Variants in SPATA6L observed in about 807,000 individuals in gnomAD.
The protein encoded by SPATA6L is spermatogenesis associated 6-like protein.
In SPATA6L, 68 loss-of-function variants were observed where a neutral mutation model predicts 49.2. That is an observed-to-expected ratio of 1.38 (90% CI 1.14 to 1.69). The LOEUF is 1.69. Ranked by LOEUF, SPATA6L falls within the 40% of genes most tolerant of loss-of-function variation. The pLI, the probability that SPATA6L is intolerant of heterozygous loss-of-function variation, is 0.00. For missense variants in SPATA6L, 668 were observed against 464.3 expected (o/e 1.44, Z -4.03); for synonymous variants, 198 against 165.7 (o/e 1.19, Z -1.50).
intron 3 of SPATA6L, 21 bp from the exon 4 acceptor site, chr9:4,635,420 G>C: frequency 6.4e-7 from 1 of 1,569,834 alleles, no homozygotes; most frequent in Non-Finnish European, 8.6e-7. Flanking sequence ...AATAGAAAAA[G>C]CATAAATATC....
intron 11 of SPATA6L, among the ~76,000 whole-genome samples, chr9:4,601,784 C>A (rs544727587): frequency 6.6e-6 from 1 of 152,276 alleles, no homozygotes; most frequent in South Asian, 2.1e-4. Context: ...GGGATGCCTC[C>A]TGCCTGGGGT....
chr9:4,596,254 G>A (rs780118801), downstream of SPATA6L, among the ~76,000 whole-genome samples: 4 of 152,162 alleles, frequency 2.6e-5, no homozygotes, highest in Admixed American at 1.3e-4. Flanking sequence ...CACAGAAGGA[G>A]TTTAACAAAT....
chr9:4,638,414 C>T (rs1225878362), intron 3 of SPATA6L, among the ~76,000 whole-genome samples: 2 of 152,214 alleles, frequency 1.3e-5, no homozygotes, highest in Middle Eastern at 3.4e-3. Flanking sequence ...GGTTTCACCA[C>T]GTTGGCCAGG....
intron 3 of SPATA6L, among the ~76,000 whole-genome samples, chr9:4,640,661 G>A (rs1000765751): frequency 6.6e-6 from 1 of 151,300 alleles, no homozygotes; most frequent in Non-Finnish European, 1.5e-5. Context: ...ATCACACTAG[G>A]AAGACTGGCA....
chr9:4,626,675 T>A (rs2130467352), intron 5 of SPATA6L: 3 of 883,322 alleles, frequency 3.4e-6, no homozygotes, highest in East Asian at 1.3e-4. Flanking sequence ...TCTGTTACAG[T>A]CACAAGTTTG....
chr9:4,634,175 C>A (rs1333320494), intron 4 of SPATA6L, among the ~76,000 whole-genome samples: 2 of 152,164 alleles, frequency 1.3e-5, no homozygotes, highest in Non-Finnish European at 2.9e-5. Flanking sequence ...GAGAGCTAGA[C>A]AAACCAAAGT....
chr9:4,660,145 A>G (rs1354035444), intron 2 of SPATA6L, among the ~76,000 whole-genome samples: 1 of 152,260 alleles, frequency 6.6e-6, no homozygotes, highest in Non-Finnish European at 1.5e-5. Context: ...CTAAAACACC[A>G]AAAGCAATGG....
intron 3 of SPATA6L, 122 bp downstream of exon 3, chr9:4,655,919 G>A: frequency 1.3e-6 from 1 of 794,142 alleles, no homozygotes; most frequent in Non-Finnish European, 2.0e-6. Context: ...TACGTAGGCT[G>A]TCTTGAAATA....
chr9:4,665,394 T>C (rs1840709910), intron 1 of SPATA6L: 1 of 152,288 alleles, frequency 6.6e-6, no homozygotes, highest in Non-Finnish European at 1.5e-5. Flanking sequence ...TAATAAGGTC[T>C]AGCCCTATTT....
downstream of SPATA6L, among the ~76,000 whole-genome samples, chr9:4,594,856 A>C (rs1473829829): frequency 1.3e-5 from 2 of 152,130 alleles, no homozygotes; most frequent in Non-Finnish European, 2.9e-5. Context: ...TCACGATAAG[A>C]ACAAGATTCA....
At chr9:4,614,596 T>C (rs1318800841) in intron 9 of SPATA6L, among the ~76,000 whole-genome samples, 3 of 152,132 alleles carry the variant, frequency 2.0e-5, no homozygotes, top group African/African-American at 4.8e-5. Flanking sequence ...AAAAGAACTG[T>C]TTTTAAAATA....
chr9:4,601,133 T>A (rs1823140256), intron 11 of SPATA6L, among the ~76,000 whole-genome samples: 1 of 152,222 alleles, frequency 6.6e-6, no homozygotes, highest in Non-Finnish European at 1.5e-5. Context: ...AGTTGAGCTG[T>A]TAAACGTGTT....
chr9:4,600,278 T>C lies in SPATA6L; in HGVS notation c.*533A>G, dbSNP rs1036696571. On this transcript the variant is annotated 3_prime_UTR_variant, in exon 12 of 12. Coordinates refer to ENST00000682582, the MANE Select transcript of SPATA6L (RefSeq NM_001353486.2). ...CAAGATCTGAACTACCCAGACGTAA[T>C]GCTCTCTTTTCCAAGGTTTTTAGTG... is the stretch of plus-strand genomic sequence containing the variant. 1.3e-5 allele frequency among the ~76,000 whole-genome samples: 2 copies of C among 152,292 alleles called. No homozygotes were observed. The highest frequency in any genetic ancestry group is 2.1e-4 in the South Asian group (1 of 4,824).
chr9:4,642,994 G>C lies in SPATA6L; in HGVS notation c.227-7595C>G, dbSNP rs762129989. 8.9e-4 allele frequency among the ~76,000 whole-genome samples: 136 copies of C among 152,188 alleles called. 2 individuals are homozygous for C. Among genetic ancestry groups the C allele is most frequent in the Non-Finnish European group, 1.9e-3 (128 of 67,996 alleles). ...TAAAAGGGAGATAGATCATAAAATAGGATAAAATATATTTTTATCTATTTA... is the reference window on the plus strand; with the variant it reads ...TAAAAGGGAGATAGATCATAAAATACGATAAAATATATTTTTATCTATTTA... On this transcript the variant is annotated intron_variant, in intron 3 of 11. Coordinates refer to ENST00000682582, the MANE Select transcript of SPATA6L (RefSeq NM_001353486.2).
intron 6 of SPATA6L, among the ~76,000 whole-genome samples, chr9:4,624,056 TTAC>T (rs1564193358): frequency 6.6e-6 from 1 of 152,200 alleles, no homozygotes. Context: ...ACTTCGAGAT[TTAC>T]TACAATTCAT....
At chr9:4,612,280 C>A (rs1826948026) in intron 9 of SPATA6L, among the ~76,000 whole-genome samples, 1 of 152,166 alleles carries the variant, frequency 6.6e-6, no homozygotes, top group Admixed American at 6.5e-5. Context: ...AGCCTCCAAT[C>A]CTGGTTGTTT....
At chr9:4,602,237 T>C (rs1823503947) in intron 11 of SPATA6L, among the ~76,000 whole-genome samples, 1 of 152,184 alleles carries the variant, frequency 6.6e-6, no homozygotes, top group Non-Finnish European at 1.5e-5. Flanking sequence ...ATTACCCATG[T>C]TGAAATTCAA....
chr9:4,597,105 G>A (rs1822322478), downstream of SPATA6L, among the ~76,000 whole-genome samples: 1 of 152,036 alleles, frequency 6.6e-6, no homozygotes, highest in African/African-American at 2.4e-5. Context: ...ACACAAAGAG[G>A]TTAAATTATC....
chr9:4,626,706 C>A, intron 5 of SPATA6L: 1 of 522,554 alleles, frequency 1.9e-6, no homozygotes, highest in Non-Finnish European at 3.0e-6. Flanking sequence ...CTGACTGGAC[C>A]CTGGCTGATA....
Sources: allele counts gnomAD v4.1 joint callset (sites outside exome capture counted in the v4.1 genomes callset), GRCh38; gene constraint gnomAD v4.1.1; transcripts MANE v1.5; gene names NCBI Gene and HGNC (gene_info 2026-07-23, HGNC 2026-07-21).